C1orf159: variants seen among roughly 807,000 people sequenced by gnomAD.
C1orf159 encodes the protein uncharacterized protein C1orf159.
C1orf159 carries 19 observed loss-of-function variants against 25.6 expected under a neutral mutation model. That is an observed-to-expected ratio of 0.74 (90% CI 0.52 to 1.09). C1orf159 has a LOEUF of 1.09. Among genes scored for constraint, C1orf159 ranks in the 50% least tolerant of loss-of-function variants. The pLI is 0.00. For synonymous variants in C1orf159, 139 were observed against 124.7 expected, an observed-to-expected ratio of 1.12 and a Z score of -0.77; for missense variants, 274 against 290.6, an observed-to-expected ratio of 0.94 and a Z score of 0.42.
Position 1,088,208 on chromosome 1 carries a change from C to A in C1orf159, c.149-611G>T, listed in dbSNP as rs866269093. On this transcript the variant is annotated intron_variant, in intron 4 of 9. Coordinates refer to ENST00000421241, the MANE Select transcript of C1orf159 (RefSeq NM_017891.5). ...CAACGGCCTCCCCCAGGACCCCCCC[C>A]CCATGGCCTCCCACAGGACCCCCGC... Among the ~76,000 whole-genome samples, 109 of 96,280 alleles carry A rather than the reference C, an allele frequency of 1.1e-3. 3 individuals are homozygous for A. Among genetic ancestry groups the A allele is most frequent in the African/African-American group, 4.3e-3 (99 of 22,914 alleles). The allele number at this position is 96,280 out of a possible 152,430, so 63.2% of individuals were successfully genotyped here.
rs565768841 is a variant in C1orf159, at chr1:1,110,003, G to T, written c.-136+6057C>A. On this transcript the variant is annotated intron_variant, in intron 1 of 9. Coordinates refer to ENST00000421241, the MANE Select transcript of C1orf159 (RefSeq NM_017891.5). The surrounding 1 kb of genome is among the most constrained non-coding windows in gnomAD (Gnocchi z 4.8). ...AGCGAGCCATCACTGTTTCCATACC[G>T]CTTGTCTCAGGCCAGTGCCTGCTTA... Among the ~76,000 whole-genome samples the T allele has an allele frequency of 2.0e-5, 3 of 152,232 alleles. No homozygotes were observed. The highest frequency in any genetic ancestry group is 7.2e-5 in the African/African-American group (3 of 41,458).
rs913479556 is a variant in C1orf159, at chr1:1,090,817, G to A, written c.73-389C>T. The A allele has an allele frequency of 5.0e-6, 7 of 1,407,082 alleles. No individual in the cohort carries two copies. The African/African-American group carries it at 5.7e-5, about 11-fold the overall frequency. The allele number at this position is 1,407,082 out of a possible 1,614,324, so 87.2% of individuals were successfully genotyped here. A position where few individuals can be genotyped will look rare whatever the true frequency, so the allele number is the denominator to read the frequency against. ...CCCGGGCCTGGCTGGCATTTCAGGG[G>A]ACGAATTCACGCCCAGGTGCCCAGG... On this transcript the variant is annotated intron_variant, in intron 3 of 9. Coordinates refer to ENST00000421241, the MANE Select transcript of C1orf159 (RefSeq NM_017891.5).
At chr1:1,108,395 T>C (rs879201865) in intron 1 of C1orf159, among the ~76,000 whole-genome samples, 9 of 77,298 alleles carry the variant, frequency 1.2e-4, no homozygotes, top group Non-Finnish European at 1.1e-4. Flanking sequence ...TCGGCACCGT[T>C]CACCACAGCC....
chr1:1,109,879 C>T (rs1364259052), intron 1 of C1orf159, among the ~76,000 whole-genome samples: 1 of 152,224 alleles, frequency 6.6e-6, no homozygotes, highest in East Asian at 1.9e-4. Flanking sequence ...CATAGACCAG[C>T]AGAACCAGTC....
intron 6 of C1orf159, 106 bp from the exon 7 acceptor site, chr1:1,086,118 C>A: frequency 7.2e-7 from 1 of 1,390,368 alleles, no homozygotes; most frequent in East Asian, 2.5e-5. Flanking sequence ...TCTGAACATG[C>A]CTGAGCCTCA....
At chr1:1,083,814 A>G in intron 9 of C1orf159, 12 of 1,088,744 alleles carry the variant, frequency 1.1e-5, no homozygotes, top group Admixed American at 2.2e-5. Context: ...GCACAGGGGG[A>G]CGGAGGCCGG....
In C1orf159 at chr1:1,084,390, A is replaced by G. The variant is rs1309034875; in HGVS notation, c.472-7T>C. 2.5e-6 allele frequency: 4 copies of G among 1,577,022 alleles called. No individual in the cohort carries two copies. Among genetic ancestry groups the G allele is most frequent in the Non-Finnish European group, 3.4e-6 (4 of 1,160,922 alleles). The stretch of plus-strand genomic sequence containing the variant: ...GCGGGGGGATCATTGCAGCCTTGAA[A>G]AGGAGAGAAAGGCAGAGTGAGGACT... On this transcript the variant is annotated splice_region_variant and splice_polypyrimidine_tract_variant and intron_variant, in intron 8 of 9. Coordinates refer to ENST00000421241, the MANE Select transcript of C1orf159 (RefSeq NM_017891.5).
chr1:1,087,744 G>C lies in C1orf159; in HGVS notation c.149-147C>G, dbSNP rs77053682. The C allele has an allele frequency of 9.9e-4, 647 of 655,472 alleles. 3 individuals are homozygous for C. In the African/African-American group the frequency reaches 0.011, roughly 11 times the overall value. 40.6% of individuals were successfully genotyped at this position (655,472 alleles called of 1,614,324 possible). On this transcript the variant is annotated intron_variant, in intron 4 of 9. Transcript: ENST00000421241. The surrounding 1 kb of genome is among the most constrained non-coding windows in gnomAD (Gnocchi z 8.3). The stretch of plus-strand genomic sequence containing the variant: ...GGAGGGTAGGTGGGCGGCAGACAAG[G>C]ACACCCCCAGGGAGCATGGCGGGGC...
Position 1,085,871 on chromosome 1 carries a change from G to A in C1orf159, c.445+7C>T. 6.2e-7 allele frequency: 1 copy of A among 1,612,992 alleles called. No individual in the cohort carries two copies. The highest frequency in any genetic ancestry group is 8.5e-7 in the Non-Finnish European group (1 of 1,179,736). On this transcript the variant is annotated splice_region_variant and intron_variant, in intron 7 of 9. Transcript: ENST00000421241. ...TCCCGTGGGGCAGGTGCTGGTCCGG[G>A]AGATACCTTTGTTTCTTCTGTAGCA...
chr1:1,100,589 T>C (rs1646086914), intron 1 of C1orf159, among the ~76,000 whole-genome samples: 1 of 152,202 alleles, frequency 6.6e-6, no homozygotes, highest in African/African-American at 2.4e-5. Flanking sequence ...ATAATGACAC[T>C]ATCGTTGGAT....
intron 1 of C1orf159, among the ~76,000 whole-genome samples, chr1:1,097,308 T>C (rs919411783): frequency 2.0e-5 from 3 of 152,054 alleles, no homozygotes; most frequent in African/African-American, 7.2e-5. Context: ...GGTTTCACCA[T>C]GTTGGCCAGC....
intron 1 of C1orf159, among the ~76,000 whole-genome samples, chr1:1,105,666 G>C (rs1327935111): frequency 1.3e-5 from 2 of 152,200 alleles, no homozygotes; most frequent in African/African-American, 4.8e-5. Flanking sequence ...TGGATCACGA[G>C]GTCAGGAGAG....
intron 1 of C1orf159, among the ~76,000 whole-genome samples, chr1:1,099,432 GCGTTGTCTATT>G (rs1646061924): frequency 6.6e-6 from 1 of 151,670 alleles, no homozygotes; most frequent in African/African-American, 2.4e-5. Context: ...CTATGATTGT[GCGTTGTCTATT>G]GATGTTTTTG....
intron 7 of C1orf159, chr1:1,085,334 C>T (rs7549954): frequency 0.028 from 10,590 of 380,172 alleles, 1,025 homozygotes; most frequent in African/African-American, 0.21. Flanking sequence ...GCAGGCACCA[C>T]GGACCCTGCT....
chr1:1,104,800 C>A (rs1646148832), intron 1 of C1orf159, among the ~76,000 whole-genome samples: 1 of 151,340 alleles, frequency 6.6e-6, no homozygotes, highest in African/African-American at 2.4e-5. Context: ...GGCAACAGAG[C>A]GAGGCCCTGT....
Position 1,082,539 on chromosome 1 carries a change from T to G in C1orf159, c.*354A>C. 1 of 321,166 alleles carries G rather than the reference T, an allele frequency of 3.1e-6. No individual in the cohort carries two copies. Among genetic ancestry groups the G allele is most frequent in the South Asian group, 2.8e-5 (1 of 35,418 alleles). The allele number at this position is 321,166 out of a possible 1,614,324, so 19.9% of individuals were successfully genotyped here. ...GCACGGCAGCAGAGCCCCTGGCTTT[T>G]CTAGGCAGAGCGGCACCTGCCCCAT... On this transcript the variant is annotated 3_prime_UTR_variant, in exon 10 of 10. Coordinates refer to ENST00000421241, the MANE Select transcript of C1orf159 (RefSeq NM_017891.5).
Position 1,090,828 on chromosome 1 carries a change from G to T in C1orf159, c.73-400C>A, listed in dbSNP as rs554337502. 3.4e-6 allele frequency: 5 copies of T among 1,469,750 alleles called. No homozygotes were observed. In the Admixed American group the frequency reaches 7.9e-5, roughly 23 times the overall value. The allele number at this position is 1,469,750 out of a possible 1,614,324, so 91.0% of individuals were successfully genotyped here. A position where few individuals can be genotyped will look rare whatever the true frequency, so the allele number is the denominator to read the frequency against. On this transcript the variant is annotated intron_variant, in intron 3 of 9. Coordinates refer to ENST00000421241, the MANE Select transcript of C1orf159 (RefSeq NM_017891.5). ...CTGGCATTTCAGGGGACGAATTCAC[G>T]CCCAGGTGCCCAGGTACTGCACAGG...
At chr1:1,093,045 A>G (rs1011094144) in intron 1 of C1orf159, among the ~76,000 whole-genome samples, 2 of 152,112 alleles carry the variant, frequency 1.3e-5, no homozygotes, top group Non-Finnish European at 2.9e-5. Flanking sequence ...CTCAAAAAAA[A>G]AAAGCATGCT....
chr1:1,084,403 C>G lies in C1orf159; in HGVS notation c.472-20G>C, dbSNP rs747244075. 28 of 1,580,768 alleles carry G rather than the reference C, an allele frequency of 1.8e-5. No homozygotes were observed. The highest frequency in any genetic ancestry group is 2.2e-5 in the Non-Finnish European group (26 of 1,163,374). ...TGCAGCCTTGAAAAGGAGAGAAAGG[C>G]AGAGTGAGGACTCGGGATGGCCTGG... On this transcript the variant is annotated intron_variant, in intron 8 of 9. Transcript: ENST00000421241.
Sources: allele counts gnomAD v4.1 joint callset (sites outside exome capture counted in the v4.1 genomes callset), GRCh38; gene constraint gnomAD v4.1.1; non-coding constraint Gnocchi (gnomAD v3.1); transcripts MANE v1.5; gene names NCBI Gene and HGNC (gene_info 2026-07-23, HGNC 2026-07-21).